The following FUT9 variants were observed in gnomAD, a reference collection of about 807,000 sequenced individuals.
FUT9 encodes the protein 4-galactosyl-N-acetylglucosaminide 3-alpha-L-fucosyltransferase 9.
FUT9 carries 15 observed loss-of-function variants against 29.7 expected under a neutral mutation model. The observed-to-expected ratio is 0.51, with a 90% CI of 0.34 to 0.78. FUT9 has a LOEUF of 0.78. Ranked by LOEUF, FUT9 falls within the 30% of genes least tolerant of loss-of-function variation. The probability of loss-of-function intolerance (pLI) is 0.01; values close to 1 mark genes in which losing one functional copy is unlikely to be tolerated. For synonymous variants in FUT9, 169 were observed against 153.7 expected, an observed-to-expected ratio of 1.10 and a Z score of -0.74; for missense variants, 319 against 425.4, an observed-to-expected ratio of 0.75 and a Z score of 2.20.
At chr6:96,104,301 T>G (rs911694284) in intron 1 of FUT9, among the ~76,000 whole-genome samples, 48 of 152,324 alleles carry the variant, frequency 3.2e-4, no homozygotes, top group African/African-American at 1.1e-3. Flanking sequence ...TGTTATTTCC[T>G]TTTTCTTTAG....
intron 2 of FUT9, among the ~76,000 whole-genome samples, chr6:96,153,574 A>G (rs938617796): frequency 2.0e-5 from 3 of 152,186 alleles, no homozygotes; most frequent in Non-Finnish European, 2.9e-5. Flanking sequence ...TACAAATCCT[A>G]TGATTTCTGC....
intron 1 of FUT9, among the ~76,000 whole-genome samples, chr6:96,023,237 A>G (rs557347644): frequency 2.0e-5 from 3 of 152,098 alleles, no homozygotes; most frequent in South Asian, 2.1e-4. Flanking sequence ...TTTGACTACC[A>G]GAAGGATTAA....
At chr6:96,165,801 A>T (rs1367512822) in intron 2 of FUT9, among the ~76,000 whole-genome samples, 1 of 152,064 alleles carries the variant, frequency 6.6e-6, no homozygotes, top group African/African-American at 2.4e-5. Flanking sequence ...TTTTTAGTCG[A>T]GACGGAGTTT....
Position 96,207,934 on chromosome 6 carries a change from T to C in FUT9, c.*3699T>C, listed in dbSNP as rs1370417258. The C allele has an allele frequency of 1.8e-5, 3 of 166,702 alleles. No individual in the cohort carries two copies. Among genetic ancestry groups the C allele is most frequent in the Non-Finnish European group, 4.4e-5 (3 of 67,984 alleles). 10.3% of individuals were successfully genotyped at this position (166,702 alleles called of 1,614,324 possible). A position where few individuals can be genotyped will look rare whatever the true frequency, so the allele number is the denominator to read the frequency against. ...GACATGAGAGCCTGACAGTCATATA[T>C]ATTATGACAGCTGTATATCTGACAA... On this transcript the variant is annotated 3_prime_UTR_variant, in exon 3 of 3. Transcript: ENST00000302103.
rs111996422 is a variant in FUT9, at chr6:96,199,359, T to C, written c.-8-3789T>C. ...TTGACAGTTCCGTACAAAGTAGAGG[T>C]TACTGAGTAACTGCCCCTATTATTT... On this transcript the variant is annotated intron_variant, in intron 2 of 2. Coordinates refer to ENST00000302103, the MANE Select transcript of FUT9 (RefSeq NM_006581.4). 1.9e-3 allele frequency among the ~76,000 whole-genome samples: 287 copies of C among 151,764 alleles called. 2 individuals are homozygous for C. Among genetic ancestry groups the C allele is most frequent in the African/African-American group, 6.6e-3 (274 of 41,360 alleles).
chr6:96,028,333 C>T (rs1211979847), intron 1 of FUT9, among the ~76,000 whole-genome samples: 1 of 151,548 alleles, frequency 6.6e-6, no homozygotes, highest in Non-Finnish European at 1.5e-5. Context: ...AACTGTTCGA[C>T]TGGTACAAAA....
chr6:96,114,005 A>T (rs1309246646), intron 1 of FUT9, 34 bp from the exon 2 acceptor site: 2 of 152,200 alleles, frequency 1.3e-5, no homozygotes, highest in East Asian at 3.8e-4. Flanking sequence ...AGTGCATTTA[A>T]CTAACATACT....
chr6:96,066,313 TA>T (rs542298867), intron 1 of FUT9, among the ~76,000 whole-genome samples: 128 of 148,100 alleles, frequency 8.6e-4, no homozygotes, highest in African/African-American at 3.0e-3. Flanking sequence ...TATATCAATA[TA>T]ATATTGATAT....
At chr6:96,165,864 C>T (rs930226026) in intron 2 of FUT9, among the ~76,000 whole-genome samples, 3 of 152,138 alleles carry the variant, frequency 2.0e-5, no homozygotes, top group Non-Finnish European at 4.4e-5. Context: ...GATCCACCAG[C>T]CTCAACCTCC....
At chr6:96,078,196 C>A (rs1771171442) in intron 1 of FUT9, among the ~76,000 whole-genome samples, 1 of 151,898 alleles carries the variant, frequency 6.6e-6, no homozygotes, top group Non-Finnish European at 1.5e-5. Context: ...GAGATTTCCT[C>A]AACTGTGTTT....
chr6:96,131,086 G>A (rs1772235063), intron 2 of FUT9, among the ~76,000 whole-genome samples: 1 of 151,920 alleles, frequency 6.6e-6, no homozygotes, highest in Non-Finnish European at 1.5e-5. Context: ...TTGTATGGAG[G>A]AGCCCTTTCT....
chr6:96,093,136 GTA>G (rs1771440047), intron 1 of FUT9, among the ~76,000 whole-genome samples: 1 of 152,036 alleles, frequency 6.6e-6, no homozygotes, highest in Non-Finnish European at 1.5e-5. Context: ...TTTGTGATTA[GTA>G]TCTATCCTCC....
At chr6:96,134,791 A>G (rs1192410248) in intron 2 of FUT9, among the ~76,000 whole-genome samples, 1 of 151,972 alleles carries the variant, frequency 6.6e-6, no homozygotes, top group African/African-American at 2.4e-5. Context: ...ACTCATGTGT[A>G]TAACCACTAC....
At chr6:96,115,694 C>G (rs1771897805) in intron 2 of FUT9, among the ~76,000 whole-genome samples, 1 of 152,078 alleles carries the variant, frequency 6.6e-6, no homozygotes, top group Non-Finnish European at 1.5e-5. Flanking sequence ...TTTTGAAGGC[C>G]AACTTCAGAC....
intron 2 of FUT9, among the ~76,000 whole-genome samples, chr6:96,138,521 A>ATTTTTTTTTT: frequency 6.6e-6 from 1 of 151,596 alleles, no homozygotes. Context: ...TTGCAGGGAA[A>ATTTTTTTTTT]GTGAAATTAA....
At position 96,206,412 on chromosome 6, in the gene FUT9, G is replaced by A. The variant is rs1465582911; in HGVS notation, c.*2177G>A. On this transcript the variant is annotated 3_prime_UTR_variant, in exon 3 of 3. Coordinates refer to ENST00000302103, the MANE Select transcript of FUT9 (RefSeq NM_006581.4). ...AATTTTTTGGTCTATAAAAAGCATA[G>A]AGATCTAAAGAGGATACACTGCTAA... 1 of 167,084 alleles carries A rather than the reference G, an allele frequency of 6.0e-6. No individual in the cohort carries two copies. Among genetic ancestry groups the A allele is most frequent in the Admixed American group, 6.5e-5 (1 of 15,268 alleles). 10.4% of individuals were successfully genotyped at this position (167,084 alleles called of 1,614,324 possible).
intron 2 of FUT9, among the ~76,000 whole-genome samples, chr6:96,188,727 T>TA (rs1773450522): frequency 8.6e-6 from 1 of 116,432 alleles, no homozygotes; most frequent in South Asian, 2.7e-4. Flanking sequence ...ATATATATAT[T>TA]TGTTAAATGA....
intron 1 of FUT9, among the ~76,000 whole-genome samples, chr6:96,025,584 G>A (rs1770154154): frequency 6.6e-6 from 1 of 151,680 alleles, no homozygotes; most frequent in Non-Finnish European, 1.5e-5. Context: ...GTGGTACAGG[G>A]ACAGAGAGGA....
rs536738986 is a variant in FUT9, at chr6:96,191,015, G to T, written c.-8-12133G>T. ...TTAGAATTTTCAGCTTTTCTGCTCT[G>T]TTTTTTCCCCATCTTTGTGGTTTTC... On this transcript the variant is annotated intron_variant, in intron 2 of 2. Transcript: ENST00000302103. 2.0e-5 allele frequency among the ~76,000 whole-genome samples: 3 copies of T among 152,200 alleles called. No homozygotes were observed. In the East Asian group the frequency reaches 5.8e-4, roughly 29 times the overall value.
Sources: gnomAD v4.1 joint callset for allele counts (sites outside exome capture counted in the v4.1 genomes callset) on GRCh38, gnomAD v4.1.1 for gene constraint, MANE v1.5 for transcripts, NCBI Gene and HGNC (gene_info 2026-07-23, HGNC 2026-07-21) for gene names.